IL16: variants seen among roughly 807,000 people sequenced by gnomAD.
The protein encoded by IL16 is interleukin 16.
In IL16, 67 loss-of-function variants were observed where a neutral mutation model predicts 110.1. That is an observed-to-expected ratio of 0.61 (90% CI 0.50 to 0.75). IL16 has a LOEUF of 0.75. Ranked by LOEUF, IL16 falls within the 30% of genes least tolerant of loss-of-function variation. The probability of loss-of-function intolerance (pLI) is 0.00; values close to 1 mark genes in which losing one functional copy is unlikely to be tolerated. For missense variants in IL16, 1,545 were observed against 1,655.0 expected, an observed-to-expected ratio of 0.93 and a Z score of 1.15; for synonymous variants, 689 against 662.9, an observed-to-expected ratio of 1.04 and a Z score of -0.61.
intron 3 of IL16, among the ~76,000 whole-genome samples, chr15:81,265,265 T>A (rs1424062345): frequency 7.9e-5 from 12 of 152,214 alleles, no homozygotes; most frequent in Non-Finnish European, 1.0e-4. Flanking sequence ...TTTGTGCTTG[T>A]CCTCGGAAAC....
intron 1 of IL16, chr15:81,188,511 C>A: frequency 2.2e-6 from 1 of 449,440 alleles, no homozygotes; most frequent in South Asian, 1.6e-5. Flanking sequence ...AGAGGACTGG[C>A]TTCCCTCAGG....
At chr15:81,307,878 A>C (rs549799777) in intron 18 of IL16, among the ~76,000 whole-genome samples, 5 of 152,352 alleles carry the variant, frequency 3.3e-5, no homozygotes, top group South Asian at 4.1e-4. Flanking sequence ...TCATAGGATT[A>C]CTGTCATAAA....
At chr15:81,197,282 T>G (rs575747720) in intron 1 of IL16, 130 bp downstream of exon 1, 3 of 491,588 alleles carry the variant, frequency 6.1e-6, no homozygotes, top group Non-Finnish European at 9.9e-6. Flanking sequence ...GAAGTGGTGC[T>G]GGGGTCAGGG....
rs1203524646 is a variant in IL16 at position 81,313,860 on chromosome 15, T to A, written c.*5062T>A. 6.6e-6 allele frequency: 1 copy of A among 152,398 alleles called. No individual in the cohort carries two copies. The highest frequency in any genetic ancestry group is 2.4e-5 in the African/African-American group (1 of 41,440). 9.4% of individuals were successfully genotyped at this position (152,398 alleles called of 1,614,324 possible). ...ACACGAACATGTGATTCGCCTTCTC[T>A]CACATGCATACAGTGGGGTTTTCCG... On this transcript the variant is annotated 3_prime_UTR_variant, in exon 19 of 19. Transcript: ENST00000683961.
chr15:81,278,039 TA>T, intron 6 of IL16, among the ~76,000 whole-genome samples: 1 of 150,656 alleles, frequency 6.6e-6, no homozygotes, highest in Non-Finnish European at 1.5e-5. Context: ...CCTATTTATT[TA>T]TTTATTTATT....
In IL16 at chr15:81,213,100, TTAAAAGAATATTTTAAAA is replaced by T. The variant is rs564633596; in HGVS notation, c.-101-12197_-101-12180del. 2.7e-3 allele frequency among the ~76,000 whole-genome samples: 415 copies of T among 152,346 alleles called. 1 individual carries two copies. Among genetic ancestry groups the T allele is most frequent in the Non-Finnish European group, 4.2e-3 (289 of 68,034 alleles). ...AAGTTGTATCCCTATTTTCATTAAT[TTAAAAGAATATTTTAAAA>T]TTTCTGCCTTAATTTCTGTGCTCAT... On this transcript the variant is annotated intron_variant, in intron 1 of 18. Coordinates refer to ENST00000683961, the MANE Select transcript of IL16 (RefSeq NM_172217.5).
At chr15:81,258,452 A>C (rs879885115) in intron 2 of IL16, among the ~76,000 whole-genome samples, 1 of 152,194 alleles carries the variant, frequency 6.6e-6, no homozygotes, top group Non-Finnish European at 1.5e-5. Flanking sequence ...TGTAATCCTT[A>C]CACTTTGGGA....
intron 11 of IL16, chr15:81,291,923 G>A (rs1899735206): frequency 2.2e-6 from 1 of 455,956 alleles, no homozygotes; most frequent in Non-Finnish European, 4.4e-6. Flanking sequence ...TCATTTTACA[G>A]ATGCAGAAAT....
chr15:81,257,762 A>C (rs1287633432), intron 2 of IL16, among the ~76,000 whole-genome samples: 1 of 152,210 alleles, frequency 6.6e-6, no homozygotes, highest in African/African-American at 2.4e-5. Context: ...CTGGCTTCTA[A>C]GAAATGCAGT....
intron 1 of IL16, among the ~76,000 whole-genome samples, chr15:81,219,806 A>G (rs537513108): frequency 3.0e-4 from 46 of 152,216 alleles, no homozygotes; most frequent in Admixed American, 5.9e-4. Context: ...ACTTCACATG[A>G]TGTTGGTGCA....
At chr15:81,225,243 G>A in intron 1 of IL16, 56 bp from the exon 2 acceptor site, 3 of 1,404,396 alleles carry the variant, frequency 2.1e-6, no homozygotes, top group Non-Finnish European at 2.8e-6. Flanking sequence ...CTCGTGTGCA[G>A]CTCCACTTGT....
intron 12 of IL16, 37 bp from the exon 13 acceptor site, chr15:81,296,891 C>A (rs370107778): frequency 1.3e-6 from 2 of 1,546,844 alleles, no homozygotes; most frequent in South Asian, 1.2e-5. Flanking sequence ...TTGAGGCTAC[C>A]GTTTTGACAT....
At position 81,312,641 on chromosome 15, in the gene IL16, C is replaced by A. The variant is rs1380084808; in HGVS notation, c.*3843C>A. 1 of 152,238 alleles carries A rather than the reference C, an allele frequency of 6.6e-6. No homozygotes were observed. The highest frequency in any genetic ancestry group is 6.5e-5 in the Admixed American group (1 of 15,290). 9.4% of individuals were successfully genotyped at this position (152,238 alleles called of 1,614,324 possible). A position where few individuals can be genotyped will look rare whatever the true frequency, so the allele number is the denominator to read the frequency against. On this transcript the variant is annotated 3_prime_UTR_variant, in exon 19 of 19. Transcript: ENST00000683961. Reference sequence around the variant, plus strand: ...GGGGATAAAGAGAGAAAAACAAATTCATCAAATGGAAGACACATTGAAAGT... The same window carrying A: ...GGGGATAAAGAGAGAAAAACAAATTAATCAAATGGAAGACACATTGAAAGT...
intron 2 of IL16, among the ~76,000 whole-genome samples, chr15:81,242,359 A>G (rs1897366758): frequency 6.6e-6 from 1 of 152,148 alleles, no homozygotes; most frequent in Admixed American, 6.6e-5. Context: ...GAGTTTTTCA[A>G]TCTATGAATA....
Position 81,273,140 on chromosome 15 carries a change from T to C in IL16, c.726T>C (p.Ile242=). Residue 242 remains isoleucine, a synonymous_variant, in exon 6 of 19, where the codon ATT becomes ATC. Coordinates refer to ENST00000683961, the MANE Select transcript of IL16 (RefSeq NM_172217.5). Reference sequence around the variant, plus strand: ...GAAAAGACAGCATTTATGGCCCCATTGGGATTTACGTCAAAACCATTTTTG... The same window carrying C: ...GAAAAGACAGCATTTATGGCCCCATCGGGATTTACGTCAAAACCATTTTTG... ...VGGKDSIYGP[I]GIYVKTIFAG... is the part of the protein sequence containing the mutation. 1 of 1,613,610 alleles carries C rather than the reference T, an allele frequency of 6.2e-7. No homozygotes were observed.
chr15:81,218,906 C>T (rs1896523274), intron 1 of IL16, among the ~76,000 whole-genome samples: 1 of 151,194 alleles, frequency 6.6e-6, no homozygotes, highest in African/African-American at 2.4e-5. Flanking sequence ...GGTTTTTTCT[C>T]CTCTTTTACT....
chr15:81,273,180 G>A lies in IL16; in HGVS notation c.766G>A (p.Ala256Thr). The A allele has an allele frequency of 6.2e-7, 1 of 1,611,980 alleles. No individual in the cohort carries two copies. The highest frequency in any genetic ancestry group is 8.5e-7 in the Non-Finnish European group (1 of 1,179,164). Residue 256 changes from alanine (A) to threonine (T), a missense_variant, in exon 6 of 19, where the codon GCA becomes ACA. Around this residue, in one of 3 missense-constraint regions of IL16, gnomAD observed 1,185 missense variants for 1,238.8 expected, o/e 0.96. Transcript: ENST00000683961. ...VKTIFAGGAAAADGRLQEGDE... is the reference protein window; with the variant it reads ...VKTIFAGGAATADGRLQEGDE... ...AACCATTTTTGCAGGGGGAGCAGCA[G>A]CAGCCGATGGAAGGCTACAGGAAGG... is the stretch of plus-strand genomic sequence containing the variant.
intron 2 of IL16, among the ~76,000 whole-genome samples, chr15:81,234,550 A>G (rs1340325101): frequency 2.6e-5 from 4 of 152,178 alleles, no homozygotes; most frequent in African/African-American, 9.6e-5. Context: ...ATACTTGCCC[A>G]CTTTTTGGTA....
chr15:81,254,928 G>A (rs189221751), intron 2 of IL16, among the ~76,000 whole-genome samples: 1 of 152,292 alleles, frequency 6.6e-6, no homozygotes, highest in East Asian at 1.9e-4. Flanking sequence ...ACTATTAAAA[G>A]TAAAGAGCTG....
Sources: allele counts gnomAD v4.1 joint callset (sites outside exome capture counted in the v4.1 genomes callset), GRCh38; gene constraint gnomAD v4.1.1; regional missense constraint gnomAD v4.1.1; transcripts MANE v1.5; gene names NCBI Gene and HGNC (gene_info 2026-07-23, HGNC 2026-07-21).